The following GRIN2B variants were observed in gnomAD, a reference collection of about 807,000 sequenced individuals.
The protein encoded by GRIN2B is glutamate receptor ionotropic, NMDA 2B.
Under a neutral mutation model 114.5 loss-of-function variants are expected in GRIN2B, and 5 were observed. The observed-to-expected ratio is 0.04, with a 90% confidence interval of 0.02 to 0.09. The LOEUF (loss-of-function observed/expected upper bound fraction) is 0.09. Among genes scored for constraint, GRIN2B ranks in the 10% least tolerant of loss-of-function variants. The probability of loss-of-function intolerance (pLI) is 1.00; values close to 1 mark genes in which losing one functional copy is unlikely to be tolerated. For missense variants in GRIN2B, 1,108 were observed against 1,943.5 expected, an observed-to-expected ratio of 0.57 and a Z score of 8.08; for synonymous variants, 787 against 745.1, an observed-to-expected ratio of 1.06 and a Z score of -0.92.
Position 13,615,014 on chromosome 12 carries a change from A to G in GRIN2B, c.1654+100T>C. On this transcript the variant is annotated intron_variant, in intron 8 of 13. Transcript: ENST00000609686. This position sits in a 1 kb window ranked among gnomAD's most constrained non-coding sequence, Gnocchi z 5.8. ...GGCTGAGTTGAGCTCCTAGCAAACCACCTTCTAGCTGGAACAGCCTGGCCA... is the reference window on the plus strand; with the variant it reads ...GGCTGAGTTGAGCTCCTAGCAAACCGCCTTCTAGCTGGAACAGCCTGGCCA... The G allele has an allele frequency of 2.7e-6, 3 of 1,110,792 alleles. No individual in the cohort carries two copies. The highest frequency in any genetic ancestry group is 4.2e-6 in the Non-Finnish European group (3 of 722,720). The allele number at this position is 1,110,792 out of a possible 1,614,324, so 68.8% of individuals were successfully genotyped here. A position where few individuals can be genotyped will look rare whatever the true frequency, so the allele number is the denominator to read the frequency against.
At chr12:13,810,919 C>A (rs948141481) in intron 3 of GRIN2B, among the ~76,000 whole-genome samples, 1 of 152,218 alleles carries the variant, frequency 6.6e-6, no homozygotes, top group Admixed American at 6.5e-5. Context: ...TACATCTCTA[C>A]AGATAACCAT....
intron 5 of GRIN2B, among the ~76,000 whole-genome samples, chr12:13,657,576 A>G (rs577051108): frequency 2.5e-4 from 38 of 152,304 alleles, no homozygotes; most frequent in Non-Finnish European, 5.0e-4. Context: ...TGAGTGATGC[A>G]GAAGGCAAAG....
intron 4 of GRIN2B, among the ~76,000 whole-genome samples, chr12:13,711,476 T>C (rs963952796): frequency 2.0e-5 from 3 of 151,914 alleles, no homozygotes; most frequent in Admixed American, 2.0e-4. Flanking sequence ...TGCAATCTAC[T>C]CATCTGACAA....
intron 5 of GRIN2B, among the ~76,000 whole-genome samples, chr12:13,667,917 ATGT>A (rs1949992471): frequency 6.6e-6 from 1 of 152,184 alleles, no homozygotes; most frequent in African/African-American, 2.4e-5. Flanking sequence ...AAAATCATAA[ATGT>A]TGTTTTTAAC....
intron 3 of GRIN2B, among the ~76,000 whole-genome samples, chr12:13,832,531 G>T (rs1483785999): frequency 6.6e-6 from 1 of 152,192 alleles, no homozygotes; most frequent in Non-Finnish European, 1.5e-5. Context: ...GTCTAGTATA[G>T]TGTCTTGAAC....
intron 3 of GRIN2B, among the ~76,000 whole-genome samples, chr12:13,800,237 C>A (rs1160086010): frequency 6.6e-6 from 1 of 152,146 alleles, no homozygotes; most frequent in Non-Finnish European, 1.5e-5. Flanking sequence ...CCATCCCAGT[C>A]TCTGGTGTCT....
chr12:13,674,034 T>TA (rs1193705310), intron 5 of GRIN2B, among the ~76,000 whole-genome samples: 1 of 151,988 alleles, frequency 6.6e-6, no homozygotes, highest in Non-Finnish European at 1.5e-5. Context: ...GAACAAATGA[T>TA]AACTCAGTGG....
intron 4 of GRIN2B, among the ~76,000 whole-genome samples, chr12:13,752,118 G>A (rs1455609135): frequency 6.6e-6 from 1 of 152,146 alleles, no homozygotes; most frequent in Non-Finnish European, 1.5e-5. Flanking sequence ...CTGCAGTCCA[G>A]CTCCCTGCTA....
chr12:13,956,215 G>A (rs1867588473), intron 2 of GRIN2B, among the ~76,000 whole-genome samples: 1 of 152,186 alleles, frequency 6.6e-6, no homozygotes, highest in Non-Finnish European at 1.5e-5. Context: ...ATGAGCTGGA[G>A]CAGAAAGAGG....
intron 2 of GRIN2B, among the ~76,000 whole-genome samples, chr12:13,916,591 A>G (rs962101613): frequency 9.2e-5 from 14 of 152,046 alleles, no homozygotes; most frequent in African/African-American, 3.4e-4. Context: ...GCTCACGCCT[A>G]TAATTCCAGC....
At chr12:13,716,728 T>A (rs1950458956) in intron 4 of GRIN2B, among the ~76,000 whole-genome samples, 1 of 151,954 alleles carries the variant, frequency 6.6e-6, no homozygotes, top group Non-Finnish European at 1.5e-5. Flanking sequence ...TGATGATCTT[T>A]AGGAAAACAC....
intron 2 of GRIN2B, among the ~76,000 whole-genome samples, chr12:13,899,968 T>A (rs904242127): frequency 1.3e-5 from 2 of 152,208 alleles, no homozygotes; most frequent in Non-Finnish European, 1.5e-5. Flanking sequence ...ATATTATTCA[T>A]AGGCTCCAAA....
At chr12:13,799,699 GA>G (rs1205583481) in intron 3 of GRIN2B, among the ~76,000 whole-genome samples, 6 of 152,204 alleles carry the variant, frequency 3.9e-5, no homozygotes, top group South Asian at 2.1e-4. Flanking sequence ...CAGCAGGAGA[GA>G]GGGGGGGAAA....
At chr12:13,789,687 G>A (rs1007120262) in intron 3 of GRIN2B, among the ~76,000 whole-genome samples, 4 of 152,046 alleles carry the variant, frequency 2.6e-5, no homozygotes, top group African/African-American at 9.7e-5. Context: ...ATCAGAGTTG[G>A]GTAAAGTGAG....
chr12:13,964,414 C>T (rs1867752818), intron 2 of GRIN2B, among the ~76,000 whole-genome samples: 1 of 152,212 alleles, frequency 6.6e-6, no homozygotes, highest in African/African-American at 2.4e-5. Context: ...CCTTCATAAA[C>T]ATCCTATAAA....
intron 3 of GRIN2B, among the ~76,000 whole-genome samples, chr12:13,817,920 T>C (rs1196373975): frequency 1.3e-5 from 2 of 152,296 alleles, no homozygotes; most frequent in East Asian, 1.9e-4. Context: ...TAAAATAAGA[T>C]GGGAGTTCTG....
upstream of GRIN2B, chr12:13,982,040 C>T (rs1197762092): frequency 6.6e-6 from 1 of 151,898 alleles, no homozygotes; most frequent in Non-Finnish European, 1.5e-5. Flanking sequence ...CCACCCCACC[C>T]CCAAGCCCCT....
intron 2 of GRIN2B, among the ~76,000 whole-genome samples, chr12:13,890,085 T>C (rs1030922279): frequency 6.6e-6 from 1 of 152,184 alleles, no homozygotes; most frequent in African/African-American, 2.4e-5. Flanking sequence ...GACGTCAGCC[T>C]TCCTTTCAGC....
At chr12:13,770,742 C>G (rs1863892139) in intron 3 of GRIN2B, among the ~76,000 whole-genome samples, 1 of 152,096 alleles carries the variant, frequency 6.6e-6, no homozygotes, top group Non-Finnish European at 1.5e-5. Flanking sequence ...TGCTCAGCTC[C>G]CACTTATGAG....
Sources: gnomAD v4.1 joint callset for allele counts (sites outside exome capture counted in the v4.1 genomes callset) on GRCh38, gnomAD v4.1.1 for gene constraint, Gnocchi (gnomAD v3.1) non-coding constraint, MANE v1.5 for transcripts, NCBI Gene and HGNC (gene_info 2026-07-23, HGNC 2026-07-21) for gene names.